NTRK3: variants seen among roughly 807,000 people sequenced by gnomAD.
NTRK3 encodes neurotrophic receptor tyrosine kinase 3.
NTRK3 carries 24 observed loss-of-function variants against 91.7 expected under a neutral mutation model. The observed-to-expected ratio is 0.26, with a 90% CI of 0.19 to 0.37. The LOEUF is 0.37. Ranked by LOEUF, NTRK3 falls within the 10% of genes least tolerant of loss-of-function variation. NTRK3 has a pLI of 1.00. For synonymous variants in NTRK3, 483 were observed against 404.0 expected (o/e 1.20, Z -2.34); for missense variants, 880 against 1,068.9 (o/e 0.82, Z 2.46).
At chr15:88,078,835 T>C (rs1180410095) in intron 13 of NTRK3, among the ~76,000 whole-genome samples, 6 of 152,182 alleles carry the variant, frequency 3.9e-5, no homozygotes, top group Non-Finnish European at 7.3e-5. Context: ...CTTCTATATC[T>C]GGGCAACAGC....
chr15:88,068,889 A>G (rs2046876662), intron 13 of NTRK3, among the ~76,000 whole-genome samples: 1 of 152,158 alleles, frequency 6.6e-6, no homozygotes. Flanking sequence ...GTATCAGAGG[A>G]GACCAAGAGA....
chr15:88,123,077 G>A (rs150632452), intron 13 of NTRK3, among the ~76,000 whole-genome samples: 71 of 152,270 alleles, frequency 4.7e-4, no homozygotes, highest in African/African-American at 1.5e-3. Flanking sequence ...GCATGATTGC[G>A]TCTTGGATGG....
intron 5 of NTRK3, among the ~76,000 whole-genome samples, chr15:88,175,861 G>A (rs1266073338): frequency 6.6e-6 from 1 of 152,204 alleles, no homozygotes; most frequent in South Asian, 2.1e-4. Context: ...GTCAGGCCAT[G>A]TGGTTCAAGA....
At chr15:87,967,154 C>T (rs1442299128) in intron 14 of NTRK3, among the ~76,000 whole-genome samples, 2 of 152,156 alleles carry the variant, frequency 1.3e-5, no homozygotes, top group Non-Finnish European at 2.9e-5. Flanking sequence ...GCAACATTTG[C>T]TCATGATCTC....
intron 14 of NTRK3, among the ~76,000 whole-genome samples, chr15:87,963,211 T>C (rs974407030): frequency 9.9e-5 from 15 of 152,178 alleles, no homozygotes; most frequent in African/African-American, 3.6e-4. Flanking sequence ...ACAGACATAC[T>C]ATCTCTGATG....
chr15:88,147,414 G>T lies in NTRK3; in HGVS notation c.396-11C>A, dbSNP rs191882682. The T allele has an allele frequency of 1.2e-6, 2 of 1,612,902 alleles. No homozygotes were observed. Among genetic ancestry groups the T allele is most frequent in the South Asian group, 1.1e-5 (1 of 91,030 alleles). On this transcript the variant is annotated splice_polypyrimidine_tract_variant and intron_variant, in intron 5 of 18. Coordinates refer to ENST00000394480, the Ensembl canonical transcript of NTRK3. ...TTACTTGACAGGTTTCTGCAAGATT[G>T]ACAAATAAAGGGAAATTTTAAAACA...
chr15:87,910,620 G>T (rs1375630633), intron 17 of NTRK3, among the ~76,000 whole-genome samples: 1 of 152,154 alleles, frequency 6.6e-6, no homozygotes, highest in Non-Finnish European at 1.5e-5. Context: ...AGTAAAAAGG[G>T]GTTATAACCA....
intron 16 of NTRK3, 60 bp from the exon 17 acceptor site, chr15:87,929,494 G>A (rs2141918310): frequency 1.3e-6 from 2 of 1,595,986 alleles, no homozygotes; most frequent in South Asian, 2.2e-5. Flanking sequence ...AAGGAGAAAG[G>A]CCTTCCTGGG....
At chr15:88,173,532 G>A (rs192488476) in intron 5 of NTRK3, among the ~76,000 whole-genome samples, 4 of 152,352 alleles carry the variant, frequency 2.6e-5, no homozygotes, top group Admixed American at 2.6e-4. Context: ...TACCCACTCT[G>A]TGTAATCATC....
chr15:88,091,566 G>A (rs2049016598), intron 13 of NTRK3, among the ~76,000 whole-genome samples: 1 of 152,198 alleles, frequency 6.6e-6, no homozygotes, highest in Admixed American at 6.5e-5. Context: ...GTACGCACAA[G>A]GGTAGGGAGA....
At chr15:88,167,122 G>A (rs1177595087) in intron 5 of NTRK3, among the ~76,000 whole-genome samples, 2 of 152,126 alleles carry the variant, frequency 1.3e-5, no homozygotes, top group Non-Finnish European at 2.9e-5. Context: ...ACCTAATAGA[G>A]ATTTTGAACC....
At chr15:88,178,509 C>T (rs748430584) in intron 5 of NTRK3, among the ~76,000 whole-genome samples, 2 of 152,188 alleles carry the variant, frequency 1.3e-5, no homozygotes, top group African/African-American at 4.8e-5. Flanking sequence ...ACTCTGATGG[C>T]TGACTCTCCC....
chr15:88,010,532 A>G (rs188014292), intron 14 of NTRK3, among the ~76,000 whole-genome samples: 10 of 152,318 alleles, frequency 6.6e-5, no homozygotes, highest in Admixed American at 6.5e-4. Context: ...GGGAAGAATG[A>G]AACTATGCTT....
At chr15:88,019,283 T>G (rs1051462272) in intron 14 of NTRK3, among the ~76,000 whole-genome samples, 1 of 152,216 alleles carries the variant, frequency 6.6e-6, no homozygotes, top group Non-Finnish European at 1.5e-5. Context: ...GATGACAGTA[T>G]TTGCAAGGCT....
At chr15:88,099,769 T>C (rs1415261545) in intron 13 of NTRK3, among the ~76,000 whole-genome samples, 2 of 152,292 alleles carry the variant, frequency 1.3e-5, no homozygotes, top group South Asian at 2.1e-4. Flanking sequence ...ATTGACTTAA[T>C]AGTTACTAAG....
chr15:88,136,193 C>T (rs2151204375), intron 8 of NTRK3, among the ~76,000 whole-genome samples, 153 bp from the exon 9 acceptor site: 3 of 152,380 alleles, frequency 2.0e-5, no homozygotes, highest in South Asian at 4.1e-4. Flanking sequence ...ATGCCAGGCT[C>T]CTCATAGGCA....
intron 14 of NTRK3, among the ~76,000 whole-genome samples, chr15:88,021,943 T>C (rs558940811): frequency 4.6e-5 from 7 of 152,274 alleles, no homozygotes; most frequent in African/African-American, 9.6e-5. Context: ...GAGATCTTTT[T>C]CCCTTTCCCT....
chr15:87,979,824 C>T (rs923179814), intron 14 of NTRK3, among the ~76,000 whole-genome samples: 1 of 151,996 alleles, frequency 6.6e-6, no homozygotes, highest in Admixed American at 6.6e-5. Flanking sequence ...AGGGGTGTGT[C>T]GGAGAAGGGG....
chr15:88,254,779 C>T (rs1173190880), intron 3 of NTRK3, among the ~76,000 whole-genome samples: 1 of 152,170 alleles, frequency 6.6e-6, no homozygotes, highest in Non-Finnish European at 1.5e-5. Flanking sequence ...GCTGCCTACC[C>T]ATTGCTGAGG....
Sources: allele counts gnomAD v4.1 joint callset (sites outside exome capture counted in the v4.1 genomes callset), GRCh38; gene constraint gnomAD v4.1.1; transcripts MANE v1.5; gene names NCBI Gene and HGNC (gene_info 2026-07-23, HGNC 2026-07-21).